CDYL2: variants seen among roughly 807,000 people sequenced by gnomAD.
The protein encoded by CDYL2 is chromodomain Y like 2.
A neutral mutation model predicts 49.4 loss-of-function variants in CDYL2; 23 were observed. The observed-to-expected ratio is 0.47, with a 90% CI of 0.34 to 0.66. The LOEUF is 0.66. Among genes scored for constraint, CDYL2 ranks in the 30% least tolerant of loss-of-function variants. The pLI is 0.01. For missense variants in CDYL2, 678 were observed against 656.4 expected, an observed-to-expected ratio of 1.03 and a Z score of -0.36; for synonymous variants, 360 against 268.8, an observed-to-expected ratio of 1.34 and a Z score of -3.32.
intron 1 of CDYL2, among the ~76,000 whole-genome samples, chr16:80,729,417 C>T (rs928553223): frequency 2.2e-4 from 33 of 152,224 alleles, no homozygotes; most frequent in Non-Finnish European, 3.7e-4. Flanking sequence ...TAAATATATA[C>T]GCATCCAATA....
At chr16:80,721,668 C>A (rs1320000795) in intron 1 of CDYL2, among the ~76,000 whole-genome samples, 1 of 152,178 alleles carries the variant, frequency 6.6e-6, no homozygotes, top group East Asian at 1.9e-4. Flanking sequence ...CCCATTTTAT[C>A]ATCTCTGTAA....
intron 2 of CDYL2, among the ~76,000 whole-genome samples, chr16:80,675,737 T>C (rs1356505505): frequency 2.0e-5 from 3 of 151,928 alleles, no homozygotes; most frequent in Non-Finnish European, 2.9e-5. Context: ...AGAGCGGCTT[T>C]TCACCGACAT....
chr16:80,695,213 T>C (rs1910572972), intron 1 of CDYL2, among the ~76,000 whole-genome samples: 1 of 152,216 alleles, frequency 6.6e-6, no homozygotes, highest in South Asian at 2.1e-4. Flanking sequence ...AATACAACAG[T>C]AGAAATGAGT....
chr16:80,698,694 T>C (rs1904286679), intron 1 of CDYL2, among the ~76,000 whole-genome samples: 1 of 152,092 alleles, frequency 6.6e-6, no homozygotes, highest in South Asian at 2.1e-4. Flanking sequence ...TCTCTCCTCC[T>C]CTCTCTTACT....
chr16:80,773,804 T>G (rs1257655348), intron 1 of CDYL2, among the ~76,000 whole-genome samples: 1 of 152,104 alleles, frequency 6.6e-6, no homozygotes, highest in African/African-American at 2.4e-5. Flanking sequence ...CAGTTTTAAT[T>G]TATATATTTA....
chr16:80,679,796 G>A (rs1017536266), intron 2 of CDYL2: 2 of 455,936 alleles, frequency 4.4e-6, no homozygotes, highest in South Asian at 3.1e-5. Flanking sequence ...CATTAGTCTA[G>A]AGCAGTAGTT....
intron 1 of CDYL2, among the ~76,000 whole-genome samples, chr16:80,719,704 T>C (rs1904934401): frequency 6.6e-6 from 1 of 152,204 alleles, no homozygotes; most frequent in Non-Finnish European, 1.5e-5. Context: ...TCCTCTCTAC[T>C]GTGAACCCAG....
rs74028397 is a variant in CDYL2, at chr16:80,693,466, C to T, written c.25-8337G>A. On this transcript the variant is annotated intron_variant, in intron 1 of 6. Coordinates refer to ENST00000570137, the MANE Select transcript of CDYL2 (RefSeq NM_152342.4). ...GAAATGAGGCCAAAGGTATTATTTA[C>T]AAAAAAAAGTTCTGTATGTGAATAC... Among the ~76,000 whole-genome samples the T allele has an allele frequency of 6.2e-3, 941 of 151,730 alleles. 10 individuals are homozygous for T. The highest frequency in any genetic ancestry group is 0.022 in the African/African-American group (907 of 41,432).
At position 80,599,910 on chromosome 16, in the gene CDYL2, C is replaced by T. The variant is rs1374930156; in HGVS notation, c.*4478G>A. The stretch of plus-strand genomic sequence containing the variant: ...TCTATCTGGTCCCTGCCGCCATCAA[C>T]TCAATCAAACTCTTCGGATTAGCCA... On this transcript the variant is annotated 3_prime_UTR_variant, in exon 7 of 7. Transcript: ENST00000570137. 3 of 152,196 alleles carry T rather than the reference C, an allele frequency of 2.0e-5. No homozygotes were observed. Among genetic ancestry groups the T allele is most frequent in the African/African-American group, 7.2e-5 (3 of 41,446 alleles). The allele number at this position is 152,196 out of a possible 1,614,324, so 9.4% of individuals were successfully genotyped here.
intron 3 of CDYL2, among the ~76,000 whole-genome samples, chr16:80,631,520 T>C (rs1331985017): frequency 2.0e-5 from 3 of 152,202 alleles, no homozygotes; most frequent in African/African-American, 7.2e-5. Flanking sequence ...TGATTAATAT[T>C]TAAAAAGTAA....
chr16:80,661,281 C>T (rs116033101), intron 2 of CDYL2, among the ~76,000 whole-genome samples: 3,087 of 152,176 alleles, frequency 0.02, 85 homozygotes, highest in African/African-American at 0.05. Flanking sequence ...TCCTCAGAAA[C>T]CAGGGTGGCT....
At chr16:80,774,460 A>G (rs1907013947) in intron 1 of CDYL2, among the ~76,000 whole-genome samples, 1 of 152,168 alleles carries the variant, frequency 6.6e-6, no homozygotes, top group Non-Finnish European at 1.5e-5. Flanking sequence ...GACTGAAGGT[A>G]TATGTTTTAG....
chr16:80,614,160 A>G (rs1236520965), intron 4 of CDYL2, among the ~76,000 whole-genome samples: 1 of 152,236 alleles, frequency 6.6e-6, no homozygotes, highest in Non-Finnish European at 1.5e-5. Flanking sequence ...TCCCAGAACA[A>G]GAACAAAGAC....
intron 1 of CDYL2, among the ~76,000 whole-genome samples, chr16:80,802,446 A>G (rs1907954734): frequency 6.6e-6 from 1 of 152,214 alleles, no homozygotes; most frequent in African/African-American, 2.4e-5. Flanking sequence ...ACTGTGCTTC[A>G]ATTTTCAATT....
chr16:80,733,506 T>C (rs1377949154), intron 1 of CDYL2, among the ~76,000 whole-genome samples: 1 of 152,200 alleles, frequency 6.6e-6, no homozygotes, highest in Admixed American at 6.5e-5. Flanking sequence ...ATCTGTGTCC[T>C]CTCTTTATAC....
chr16:80,789,510 G>A (rs1168825699), intron 1 of CDYL2, among the ~76,000 whole-genome samples: 2 of 152,036 alleles, frequency 1.3e-5, no homozygotes, highest in African/African-American at 4.8e-5. Context: ...TGAGGCAGAA[G>A]AATCATTTGA....
chr16:80,793,003 C>T (rs758321919), intron 1 of CDYL2, among the ~76,000 whole-genome samples: 1 of 152,208 alleles, frequency 6.6e-6, no homozygotes, highest in Non-Finnish European at 1.5e-5. Context: ...TTAGTTGTAA[C>T]CTCAATGCAG....
intron 6 of CDYL2, among the ~76,000 whole-genome samples, chr16:80,606,865 G>T (rs1906360061): frequency 6.6e-6 from 1 of 152,176 alleles, no homozygotes; most frequent in African/African-American, 2.4e-5. Context: ...TGTCTTGTCT[G>T]CCGCCATGTA....
chr16:80,650,723 A>G lies in CDYL2; in HGVS notation c.617-17487T>C, dbSNP rs139204849. The stretch of plus-strand genomic sequence containing the variant: ...GCCAAGATTTGGAAGCAACCTAAGC[A>G]TCCAACAACAGACAAATGGATAAAG... On this transcript the variant is annotated intron_variant, in intron 2 of 6. Coordinates refer to ENST00000570137, the MANE Select transcript of CDYL2 (RefSeq NM_152342.4). Among the ~76,000 whole-genome samples the G allele has an allele frequency of 9.0e-4, 137 of 152,286 alleles. No homozygotes were observed. The East Asian group carries it at 0.016, about 18-fold the overall frequency.
Sources: gnomAD v4.1 joint callset for allele counts (sites outside exome capture counted in the v4.1 genomes callset) on GRCh38, gnomAD v4.1.1 for gene constraint, MANE v1.5 for transcripts, NCBI Gene and HGNC (gene_info 2026-07-23, HGNC 2026-07-21) for gene names.